RYR3: variants seen among roughly 807,000 people sequenced by gnomAD.
RYR3 encodes brain ryanodine receptor-calcium release channel.
In RYR3, 207 loss-of-function variants were observed where a neutral mutation model predicts 584.3. The observed-to-expected ratio is 0.35, with a 90% CI of 0.32 to 0.40. RYR3 has a LOEUF of 0.40. Ranked by LOEUF, RYR3 falls within the 10% of genes least tolerant of loss-of-function variation. The pLI is 1.00. For synonymous variants in RYR3, 2,416 were observed against 2,248.5 expected (o/e 1.07, Z -2.11); for missense variants, 5,616 against 6,089.2 (o/e 0.92, Z 2.59).
chr15:33,695,720 G>A (rs1047815588), intron 38 of RYR3, among the ~76,000 whole-genome samples: 3 of 151,684 alleles, frequency 2.0e-5, no homozygotes, highest in African/African-American at 7.3e-5. Flanking sequence ...TATATAGCCG[G>A]TTTATTTGTC....
At chr15:33,350,987 G>T (rs1226864634) in intron 1 of RYR3, among the ~76,000 whole-genome samples, 1 of 151,816 alleles carries the variant, frequency 6.6e-6, no homozygotes, top group Non-Finnish European at 1.5e-5. Context: ...TTTTTGAAAG[G>T]ATCAACAAAA....
chr15:33,676,008 C>G (rs761450296), intron 38 of RYR3, among the ~76,000 whole-genome samples: 1 of 151,994 alleles, frequency 6.6e-6, no homozygotes, highest in Non-Finnish European at 1.5e-5. Context: ...CATCCCAATT[C>G]CTAGAACCTG....
At chr15:33,610,693 T>C (rs2060137834) in intron 18 of RYR3, among the ~76,000 whole-genome samples, 1 of 152,224 alleles carries the variant, frequency 6.6e-6, no homozygotes, top group Admixed American at 6.5e-5. Context: ...GGACCAAAAG[T>C]GTTTCAGGTT....
In RYR3 at chr15:33,635,691, G is replaced by A; in HGVS notation, c.3253G>A (p.Gly1085Arg). The change falls in exon 26 of 104, where the codon GGA becomes AGA. Residue 1085 changes from glycine (G) to arginine (R), a missense_variant. Physicochemically the swap from Gly to Arg is moderately radical, Grantham distance 125 (BLOSUM62 -2). This residue lies in a region of RYR3 where 4 missense variants were observed against 18.6 expected (regional missense o/e 0.21). Coordinates refer to ENST00000634891, the MANE Select transcript of RYR3 (RefSeq NM_001036.6). ...RVERSYAVRS[G>R]KWYFEFEVVT... ...AGAGCGATCTTATGCAGTGAGATCT[G>A]GAAAGTGGTATTTTGAGTTTGAAGT... 6.2e-7 allele frequency: 1 copy of A among 1,613,988 alleles called. No homozygotes were observed. Among genetic ancestry groups the A allele is most frequent in the Non-Finnish European group, 8.5e-7 (1 of 1,179,884 alleles).
At chr15:33,708,963 G>T in intron 43 of RYR3, among the ~76,000 whole-genome samples, 1 of 152,116 alleles carries the variant, frequency 6.6e-6, no homozygotes, top group Admixed American at 6.5e-5. Context: ...GACAGAGCAG[G>T]TAGCAGGTAA....
intron 43 of RYR3, among the ~76,000 whole-genome samples, chr15:33,710,955 G>T (rs781257832): frequency 1.3e-5 from 2 of 152,184 alleles, no homozygotes; most frequent in African/African-American, 4.8e-5. Context: ...TGCCATGAAG[G>T]TCTCTGAAAT....
intron 10 of RYR3, among the ~76,000 whole-genome samples, chr15:33,551,438 T>G (rs2056665698): frequency 6.6e-6 from 1 of 152,216 alleles, no homozygotes; most frequent in Non-Finnish European, 1.5e-5. Context: ...CTAATGCACC[T>G]GAAGAAGATA....
intron 2 of RYR3, among the ~76,000 whole-genome samples, chr15:33,490,586 G>A (rs1205571640): frequency 6.6e-6 from 1 of 152,128 alleles, no homozygotes; most frequent in South Asian, 2.1e-4. Context: ...ACCCTAATAA[G>A]CCATGGCATT....
At chr15:33,677,930 C>T (rs573817454) in intron 38 of RYR3, among the ~76,000 whole-genome samples, 1 of 152,296 alleles carries the variant, frequency 6.6e-6, no homozygotes, top group Non-Finnish European at 1.5e-5. Context: ...CAGGAGGCTC[C>T]ATATCCACTA....
chr15:33,438,424 G>A (rs2045925437), intron 1 of RYR3, among the ~76,000 whole-genome samples: 1 of 151,986 alleles, frequency 6.6e-6, no homozygotes, highest in African/African-American at 2.4e-5. Flanking sequence ...TTGTCTTGAT[G>A]TGCCTGGTGC....
chr15:33,459,604 G>T (rs1439949116), intron 1 of RYR3, among the ~76,000 whole-genome samples: 1 of 152,156 alleles, frequency 6.6e-6, no homozygotes, highest in Admixed American at 6.5e-5. Context: ...CAAGATGCTG[G>T]AGACCTGGGC....
chr15:33,726,402 A>T lies in RYR3; in HGVS notation c.6929A>T (p.Lys2310Met). 6.2e-7 allele frequency: 1 copy of T among 1,613,226 alleles called. No homozygotes were observed. Among genetic ancestry groups the T allele is most frequent in the Non-Finnish European group, 8.5e-7 (1 of 1,179,646 alleles). ...ATCTTCCAGCTCATCCAGACAGGAA[A>T]GGGGGAAGCCATCCGCATCAGGTCC... Reference protein sequence around the residue: ...APEMHLIQTGKGEAIRIRSIL... With the variant: ...APEMHLIQTGMGEAIRIRSIL... Residue 2310 changes from lysine (K) to methionine (M), a missense_variant, in exon 46 of 104, where the codon AAG (lysine) becomes ATG (methionine). Transcript: ENST00000634891.
Position 33,844,993 on chromosome 15 carries a change from C to G in RYR3, c.13428C>G (p.Thr4476=), listed in dbSNP as rs374199163. The part of the protein sequence containing the change: ...LQESTGYMAP[T]LRALAIIHTI... ...AGAGCACCGGGTATATGGCACCAACCCTGCGTGCCCTGGCCATCATCCATA... is the reference window on the plus strand; with the variant it reads ...AGAGCACCGGGTATATGGCACCAACGCTGCGTGCCCTGGCCATCATCCATA... Residue 4476 remains threonine, a synonymous_variant, in exon 93 of 104, where the codon ACC becomes ACG. Coordinates refer to ENST00000634891, the MANE Select transcript of RYR3 (RefSeq NM_001036.6). The G allele has an allele frequency of 8.1e-6, 13 of 1,613,874 alleles. No homozygotes were observed. The highest frequency in any genetic ancestry group is 1.1e-5 in the South Asian group (1 of 91,080).
chr15:33,418,837 T>C (rs2044018140), intron 1 of RYR3, among the ~76,000 whole-genome samples: 1 of 151,964 alleles, frequency 6.6e-6, no homozygotes, highest in Non-Finnish European at 1.5e-5. Flanking sequence ...ATTGCTTTGG[T>C]GGAGAATCAA....
intron 3 of RYR3, among the ~76,000 whole-genome samples, chr15:33,504,173 TTA>T (rs2052258730): frequency 6.6e-6 from 1 of 152,320 alleles, no homozygotes; most frequent in Admixed American, 6.5e-5. Context: ...TCCTACAGAA[TTA>T]TGAGTCTTTG....
chr15:33,579,286 T>C (rs2643365), intron 12 of RYR3, among the ~76,000 whole-genome samples: 63,043 of 151,258 alleles, frequency 0.42, 14,160 homozygotes, highest in South Asian at 0.57. Flanking sequence ...ACAAATGGAG[T>C]GAAGGAAAGC....
Position 33,662,190 on chromosome 15 carries a change from C to G in RYR3, c.4660C>G (p.Leu1554Val). 1 of 1,606,228 alleles carries G rather than the reference C, an allele frequency of 6.2e-7. No homozygotes were observed. Among genetic ancestry groups the G allele is most frequent in the African/African-American group, 1.3e-5 (1 of 74,926 alleles). ...DILELCEQED[L>V]MRFHYHTLRL... ...CCTGGAGCTCTGTGAGCAGGAGGAC[C>G]TGATGCGGTTCCATTACCACACGCT... The change falls in exon 35 of 104, where the codon CTG (leucine) becomes GTG (valine). Residue 1554 changes from leucine to valine, a missense_variant. Coordinates refer to ENST00000634891, the MANE Select transcript of RYR3 (RefSeq NM_001036.6).
chr15:33,835,178 A>G, intron 87 of RYR3, 106 bp downstream of exon 87: 1 of 855,988 alleles, frequency 1.2e-6, no homozygotes, highest in South Asian at 1.7e-5. Context: ...AAGGCTGGAC[A>G]AGCCATGCAT....
At chr15:33,861,651 C>A (rs117453671) in intron 102 of RYR3, among the ~76,000 whole-genome samples, 3 of 152,044 alleles carry the variant, frequency 2.0e-5, no homozygotes, top group African/African-American at 7.2e-5. Flanking sequence ...GCAGGCTTTC[C>A]TCCCACTACA....
Sources: allele counts gnomAD v4.1 joint callset (sites outside exome capture counted in the v4.1 genomes callset), GRCh38; gene constraint gnomAD v4.1.1; regional missense constraint gnomAD v4.1.1; transcripts MANE v1.5; gene names NCBI Gene and HGNC (gene_info 2026-07-23, HGNC 2026-07-21).